Variants in GPHN observed in about 807,000 individuals in gnomAD.
GPHN encodes the protein gephyrin.
A neutral mutation model predicts 95.5 loss-of-function variants in GPHN; 17 were observed. That is an observed-to-expected ratio of 0.18 (90% CI 0.12 to 0.27). The LOEUF is 0.27. GPHN is among the 10% of genes least tolerant of loss of function. GPHN has a pLI of 1.00. For missense variants in GPHN, 660 were observed against 978.1 expected (o/e 0.67, Z 4.34); for synonymous variants, 320 against 322.5 (o/e 0.99, Z 0.08).
At chr14:66,844,202 G>A (rs2062220230) in intron 4 of GPHN, among the ~76,000 whole-genome samples, 1 of 152,028 alleles carries the variant, frequency 6.6e-6, no homozygotes, top group Admixed American at 6.6e-5. Context: ...AGATCCTTTA[G>A]ATGTATTTAT....
In GPHN at chr14:66,965,168, C is replaced by A. The variant is rs778605647; in HGVS notation, c.829-23C>A. 34 of 1,603,762 alleles carry A rather than the reference C, an allele frequency of 2.1e-5. No homozygotes were observed. In the East Asian group the frequency reaches 3.6e-4, roughly 17 times the overall value. On this transcript the variant is annotated intron_variant, in intron 8 of 22. Coordinates refer to ENST00000478722, the MANE Select transcript of GPHN (RefSeq NM_020806.5). The stretch of plus-strand genomic sequence containing the variant: ...TTATTGACATTTTCAGAATATTAAA[C>A]CATAGTTGTTCCCCTTGTTCAGATT...
chr14:66,650,108 C>T (rs1013966898), intron 1 of GPHN, among the ~76,000 whole-genome samples: 1 of 148,026 alleles, frequency 6.8e-6, no homozygotes, highest in Non-Finnish European at 1.5e-5. Context: ...AAAAAAAAAG[C>T]TGCATTTAAA....
chr14:67,266,394 C>T, the GPHN span, among the ~76,000 whole-genome samples: 2 of 152,090 alleles, frequency 1.3e-5, no homozygotes, highest in African/African-American at 4.8e-5. Flanking sequence ...GGCGTGATCT[C>T]AGCTCACTGC....
chr14:67,643,779 AG>A, the GPHN span, among the ~76,000 whole-genome samples: 3 of 150,442 alleles, frequency 2.0e-5, no homozygotes, highest in Non-Finnish European at 2.9e-5. Context: ...GTGCTGAGAA[AG>A]CTTTTCAGAT....
At chr14:67,382,578 T>A in the GPHN span, 1 of 1,613,896 alleles carries the variant, frequency 6.2e-7, no homozygotes, top group East Asian at 2.2e-5. Flanking sequence ...GTGTGTTCAA[T>A]GTTCAAATGG....
intron 17 of GPHN, among the ~76,000 whole-genome samples, chr14:67,142,760 T>C (rs2080561222): frequency 6.6e-6 from 1 of 152,180 alleles, no homozygotes; most frequent in South Asian, 2.1e-4. Flanking sequence ...GTCCCAGTCA[T>C]TCCCACTCAA....
intron 17 of GPHN, among the ~76,000 whole-genome samples, chr14:67,137,559 T>C (rs541386108): frequency 2.6e-3 from 399 of 150,960 alleles, no homozygotes; most frequent in African/African-American, 9.2e-3. Flanking sequence ...AGCCCAGGAG[T>C]TCAAGACTAG....
At chr14:67,049,172 ACAAT>A (rs781386340) in intron 10 of GPHN, among the ~76,000 whole-genome samples, 2 of 152,068 alleles carry the variant, frequency 1.3e-5, no homozygotes, top group Non-Finnish European at 1.5e-5. Context: ...AACAAGAGAA[ACAAT>A]CAACATTTTT....
the GPHN span, among the ~76,000 whole-genome samples, chr14:67,599,280 T>C: frequency 2.0e-5 from 3 of 152,232 alleles, no homozygotes; most frequent in Admixed American, 6.5e-5. Context: ...TAATTCTTTT[T>C]ATTTGAGAGC....
At chr14:67,720,587 C>T in the GPHN span, among the ~76,000 whole-genome samples, 19,539 of 152,206 alleles carry the variant, frequency 0.13, 1,313 homozygotes, top group East Asian at 0.21. Flanking sequence ...GTCCCTTCCA[C>T]TGATTTGAAA....
chr14:66,948,282 A>C (rs569196532), intron 8 of GPHN, among the ~76,000 whole-genome samples: 21 of 152,124 alleles, frequency 1.4e-4, no homozygotes, highest in African/African-American at 5.1e-4. Flanking sequence ...GTAAGTATAA[A>C]TATTCCTTGT....
At chr14:66,902,620 A>G (rs1486119278) in intron 5 of GPHN, among the ~76,000 whole-genome samples, 1 of 152,112 alleles carries the variant, frequency 6.6e-6, no homozygotes, top group Non-Finnish European at 1.5e-5. Flanking sequence ...ATATATTGAA[A>G]TAATCATAGG....
chr14:66,693,802 T>C (rs577108811), intron 2 of GPHN, among the ~76,000 whole-genome samples: 1 of 152,292 alleles, frequency 6.6e-6, no homozygotes, highest in South Asian at 2.1e-4. Context: ...ATCATCATAA[T>C]AAGTAACATT....
At chr14:66,651,815 G>T (rs977416537) in intron 1 of GPHN, among the ~76,000 whole-genome samples, 5 of 151,148 alleles carry the variant, frequency 3.3e-5, no homozygotes, top group Admixed American at 1.3e-4. Context: ...CACATTTTGG[G>T]CGTCACTATC....
intron 4 of GPHN, among the ~76,000 whole-genome samples, chr14:66,865,871 T>C (rs926113307): frequency 2.6e-4 from 40 of 152,286 alleles, no homozygotes; most frequent in African/African-American, 7.5e-4. Flanking sequence ...TTGGCTTGGC[T>C]CTTTTATTAC....
At chr14:66,583,657 G>T (rs371327443) in intron 1 of GPHN, among the ~76,000 whole-genome samples, 133 of 152,106 alleles carry the variant, frequency 8.7e-4, no homozygotes, top group East Asian at 2.3e-3. Context: ...TTTCCCCATT[G>T]CTTGTTTTTG....
the GPHN span, among the ~76,000 whole-genome samples, chr14:67,401,729 G>A: frequency 6.6e-6 from 1 of 152,172 alleles, no homozygotes; most frequent in Non-Finnish European, 1.5e-5. Context: ...CCTATTCTGT[G>A]ATATTTAGTT....
intron 1 of GPHN, among the ~76,000 whole-genome samples, chr14:66,510,960 G>A (rs933933580): frequency 6.6e-6 from 1 of 152,162 alleles, no homozygotes; most frequent in African/African-American, 2.4e-5. Context: ...TGTAGCTGAA[G>A]GAATGAAAAG....
chr14:67,489,989 C>CAA, the GPHN span, among the ~76,000 whole-genome samples: 2 of 139,074 alleles, frequency 1.4e-5, no homozygotes, highest in Non-Finnish European at 1.6e-5. Flanking sequence ...GACTCCGTCT[C>CAA]AAAAAAAAAA....
Sources: gnomAD v4.1 joint callset for allele counts (sites outside exome capture counted in the v4.1 genomes callset) on GRCh38, gnomAD v4.1.1 for gene constraint, MANE v1.5 for transcripts, NCBI Gene and HGNC (gene_info 2026-07-23, HGNC 2026-07-21) for gene names.